Variants in EPHB1 observed in about 807,000 individuals in gnomAD.
EPHB1 encodes the protein EPH receptor B1, also known as ephrin type-B receptor 1.
A neutral mutation model predicts 94.4 loss-of-function variants in EPHB1; 30 were observed. That is an observed-to-expected ratio of 0.32 (90% CI 0.24 to 0.43). The LOEUF (loss-of-function observed/expected upper bound fraction) is 0.43, where lower values mean the gene tolerates loss of function less well. Among genes scored for constraint, EPHB1 ranks in the 20% least tolerant of loss-of-function variants. The pLI, the probability that EPHB1 is intolerant of heterozygous loss-of-function variation, is 1.00. For missense variants in EPHB1, 1,055 were observed against 1,308.3 expected (o/e 0.81, Z 2.99); for synonymous variants, 522 against 489.1 (o/e 1.07, Z -0.89).
intron 1 of EPHB1, among the ~76,000 whole-genome samples, chr3:134,828,195 G>A (rs551732799): frequency 2.5e-4 from 38 of 152,252 alleles, no homozygotes; most frequent in African/African-American, 8.4e-4. Flanking sequence ...CAAAATTCAC[G>A]TGTTTGGCAT....
chr3:135,162,671 C>A (rs1034357513), intron 7 of EPHB1, among the ~76,000 whole-genome samples: 2 of 152,174 alleles, frequency 1.3e-5, no homozygotes, highest in African/African-American at 4.8e-5. Flanking sequence ...ATGTGACCCC[C>A]AGTATGTCCT....
intron 3 of EPHB1, among the ~76,000 whole-genome samples, chr3:135,003,050 T>C (rs1276327681): frequency 6.6e-6 from 1 of 152,224 alleles, no homozygotes; most frequent in Non-Finnish European, 1.5e-5. Flanking sequence ...ATTGTGATGT[T>C]AGGGTGTCAA....
At chr3:134,935,459 A>G (rs547662600) in intron 2 of EPHB1, among the ~76,000 whole-genome samples, 2 of 152,358 alleles carry the variant, frequency 1.3e-5, no homozygotes, top group Admixed American at 1.3e-4. Flanking sequence ...TTTCAATAGT[A>G]TGAAGGATCA....
At chr3:135,027,185 T>A (rs2107757771) in intron 3 of EPHB1, among the ~76,000 whole-genome samples, 1 of 151,828 alleles carries the variant, frequency 6.6e-6, no homozygotes, top group South Asian at 2.1e-4. Context: ...CTTCCTCTTT[T>A]CCTAATTGAA....
chr3:134,837,247 A>G (rs890622400), intron 1 of EPHB1, among the ~76,000 whole-genome samples: 3 of 152,260 alleles, frequency 2.0e-5, no homozygotes, highest in Non-Finnish European at 2.9e-5. Context: ...TCTTTTAAGC[A>G]TTACATAACT....
intron 1 of EPHB1, among the ~76,000 whole-genome samples, chr3:134,834,978 A>G (rs1257604360): frequency 1.3e-5 from 2 of 152,218 alleles, no homozygotes; most frequent in Non-Finnish European, 1.5e-5. Context: ...CTGGAAAATA[A>G]AAACAAATGC....
Position 135,162,212 on chromosome 3 carries a change from C to T in EPHB1, c.1585+32C>T, listed in dbSNP as rs370629312. 44 of 1,536,634 alleles carry T rather than the reference C, an allele frequency of 2.9e-5. No homozygotes were observed. In the African/African-American group the frequency reaches 4.8e-4, roughly 17 times the overall value. On this transcript the variant is annotated intron_variant, in intron 7 of 15. Transcript: ENST00000398015. Reference sequence around the variant, plus strand: ...GTCGGGGAGGGCAGTGGCATAATCACAGGGCAGGCAGTGTGGGAGAAAAAG... The same window carrying T: ...GTCGGGGAGGGCAGTGGCATAATCATAGGGCAGGCAGTGTGGGAGAAAAAG...
rs528773844 is a variant in EPHB1, at chr3:135,005,519, A to G, written c.805+53467A>G. ...AGCTTCCTGGCTGCTTTGTTTACCT[A>G]AGCAAGCCTGGGCAATGGTGGGCGC... On this transcript the variant is annotated intron_variant, in intron 3 of 15. Transcript: ENST00000398015. 9.2e-5 allele frequency among the ~76,000 whole-genome samples: 14 copies of G among 152,260 alleles called. No homozygotes were observed. In the South Asian group the frequency reaches 2.9e-3, roughly 32 times the overall value.
intron 11 of EPHB1, among the ~76,000 whole-genome samples, chr3:135,195,502 A>G (rs1235653077): frequency 6.7e-6 from 1 of 149,894 alleles, no homozygotes; most frequent in East Asian, 2.0e-4. Context: ...ACCCCACCAC[A>G]GTCCCCAGAG....
intron 12 of EPHB1, among the ~76,000 whole-genome samples, chr3:135,238,041 C>G (rs1469063842): frequency 6.6e-6 from 1 of 152,138 alleles, no homozygotes; most frequent in African/African-American, 2.4e-5. Context: ...ATAATCATCA[C>G]TTGATGATAT....
At position 135,178,651 on chromosome 3, in the gene EPHB1, A is replaced by G. The variant is rs112569554; in HGVS notation, c.1760-1209A>G. On this transcript the variant is annotated intron_variant, in intron 9 of 15. Transcript: ENST00000398015. ...AAACTAGAGCTGGGGGTCACCAGGG[A>G]ACAAGCTGTAGTGGCAAGGGGTGGG... 3.3e-5 allele frequency among the ~76,000 whole-genome samples: 5 copies of G among 152,138 alleles called. 1 individual carries two copies. The highest frequency in any genetic ancestry group is 1.2e-4 in the African/African-American group (5 of 41,494).
intron 5 of EPHB1, among the ~76,000 whole-genome samples, chr3:135,133,409 G>A (rs1378099866): frequency 6.6e-6 from 1 of 152,164 alleles, no homozygotes; most frequent in African/African-American, 2.4e-5. Flanking sequence ...AGAGGATTGT[G>A]TAAATGGATG....
At chr3:135,105,064 C>T (rs1361563960) in intron 3 of EPHB1, among the ~76,000 whole-genome samples, 1 of 152,172 alleles carries the variant, frequency 6.6e-6, no homozygotes, top group African/African-American at 2.4e-5. Flanking sequence ...ATAGCTACCC[C>T]ATAGAGTAAT....
At chr3:135,069,731 C>T (rs536901302) in intron 3 of EPHB1, among the ~76,000 whole-genome samples, 5 of 152,070 alleles carry the variant, frequency 3.3e-5, no homozygotes, top group African/African-American at 4.8e-5. Context: ...ACTCACTGAA[C>T]CACTTTGAGC....
At chr3:134,917,314 C>A (rs907270997) in intron 1 of EPHB1, among the ~76,000 whole-genome samples, 11 of 152,232 alleles carry the variant, frequency 7.2e-5, no homozygotes, top group African/African-American at 2.4e-4. Flanking sequence ...GAAGCTGATT[C>A]CCAGCCTTAC....
chr3:134,862,208 C>G (rs2037278653), intron 1 of EPHB1, among the ~76,000 whole-genome samples: 1 of 152,156 alleles, frequency 6.6e-6, no homozygotes, highest in Non-Finnish European at 1.5e-5. Flanking sequence ...GGAGAAGCAC[C>G]TGGCTTGCTG....
At chr3:134,941,133 G>A (rs934211887) in intron 2 of EPHB1, among the ~76,000 whole-genome samples, 2 of 152,202 alleles carry the variant, frequency 1.3e-5, no homozygotes, top group African/African-American at 4.8e-5. Context: ...TAGAGGAGCG[G>A]GCCTGGTGTG....
intron 13 of EPHB1, among the ~76,000 whole-genome samples, chr3:135,247,352 T>C (rs769717159): frequency 3.2e-4 from 49 of 152,228 alleles, no homozygotes; most frequent in Non-Finnish European, 6.0e-4. Context: ...AGTATGAGCA[T>C]ATTTCCATCT....
At chr3:134,907,314 A>T (rs2038353808) in intron 1 of EPHB1, among the ~76,000 whole-genome samples, 1 of 152,226 alleles carries the variant, frequency 6.6e-6, no homozygotes, top group Non-Finnish European at 1.5e-5. Flanking sequence ...GCTAGGTAAG[A>T]GTCCACTAAA....
Sources: gnomAD v4.1 joint callset for allele counts (sites outside exome capture counted in the v4.1 genomes callset) on GRCh38, gnomAD v4.1.1 for gene constraint, MANE v1.5 for transcripts, NCBI Gene and HGNC (gene_info 2026-07-23, HGNC 2026-07-21) for gene names.